Variants in UNC13A observed in about 807,000 individuals in gnomAD.
UNC13A encodes the protein unc-13 homolog A, also known as protein unc-13 homolog A.
Under a neutral mutation model 219.7 loss-of-function variants are expected in UNC13A, and 61 were observed. The ratio of observed to expected loss-of-function variants is 0.28; its 90% CI spans 0.23 to 0.34. UNC13A has a LOEUF of 0.34. Ranked by LOEUF, UNC13A falls within the 10% of genes least tolerant of loss-of-function variation. The pLI is 1.00. For missense variants in UNC13A, 1,476 were observed against 2,270.3 expected, an observed-to-expected ratio of 0.65 and a Z score of 7.11; for synonymous variants, 920 against 884.6, an observed-to-expected ratio of 1.04 and a Z score of -0.71.
intron 4 of UNC13A, among the ~76,000 whole-genome samples, chr19:17,671,684 G>A (rs545422332): frequency 2.8e-4 from 43 of 152,222 alleles, no homozygotes; most frequent in African/African-American, 1.0e-3. Flanking sequence ...TGAGGTGGGA[G>A]GATCACTTGA....
At chr19:17,682,129 A>G (rs983876558) in intron 1 of UNC13A, among the ~76,000 whole-genome samples, 1 of 151,520 alleles carries the variant, frequency 6.6e-6, no homozygotes, top group Non-Finnish European at 1.5e-5. Context: ...ATTTTTTTGT[A>G]TTTTAGTAAA....
chr19:17,635,370 C>T (rs1371430805), intron 26 of UNC13A, among the ~76,000 whole-genome samples: 1 of 152,186 alleles, frequency 6.6e-6, no homozygotes, highest in East Asian at 1.9e-4. Flanking sequence ...ATCTTAATTC[C>T]CTAACCAGGA....
At chr19:17,625,631 A>G (rs2144981354) in intron 34 of UNC13A, among the ~76,000 whole-genome samples, 1 of 152,182 alleles carries the variant, frequency 6.6e-6, no homozygotes, top group South Asian at 2.1e-4. Flanking sequence ...CCATTCATCC[A>G]TCTGTCCATC....
At chr19:17,608,273 T>C (rs1225768382) in intron 43 of UNC13A, among the ~76,000 whole-genome samples, 1 of 140,514 alleles carries the variant, frequency 7.1e-6, no homozygotes, top group African/African-American at 2.6e-5. Context: ...ATAATATATA[T>C]ACTTTTATAT....
At chr19:17,686,583 T>A (rs1449881824) in intron 1 of UNC13A, among the ~76,000 whole-genome samples, 1 of 151,752 alleles carries the variant, frequency 6.6e-6, no homozygotes, top group Admixed American at 6.6e-5. Context: ...ACTTCCCTAC[T>A]CCCCTAACTC....
At chr19:17,628,343 A>G (rs1304172174) in intron 31 of UNC13A, 2 of 207,428 alleles carry the variant, frequency 9.6e-6, no homozygotes, top group South Asian at 8.2e-5. Flanking sequence ...TACACACGAG[A>G]CCCCCCCCAC....
chr19:17,651,958 A>G (rs1310465119), intron 12 of UNC13A, among the ~76,000 whole-genome samples: 1 of 152,204 alleles, frequency 6.6e-6, no homozygotes, highest in Non-Finnish European at 1.5e-5. Flanking sequence ...TCCACTGAAG[A>G]CTAAACAACT....
Position 17,649,043 on chromosome 19 carries a change from A to G in UNC13A, c.1525-60T>C. On this transcript the variant is annotated intron_variant, in intron 14 of 43. Coordinates refer to ENST00000519716, the MANE Select transcript of UNC13A (RefSeq NM_001080421.3). This position sits in a 1 kb window ranked among gnomAD's most constrained non-coding sequence, Gnocchi z 4.4. ...TGACATCCATGAGATCACCACCAGG[A>G]GAGTTCACAGCCACGGATGGGGCCA... The G allele has an allele frequency of 6.6e-7, 1 of 1,511,568 alleles. No homozygotes were observed. Among genetic ancestry groups the G allele is most frequent in the Non-Finnish European group, 8.9e-7 (1 of 1,120,092 alleles). 93.6% of individuals were successfully genotyped at this position (1,511,568 alleles called of 1,614,324 possible). A position where few individuals can be genotyped will look rare whatever the true frequency, so the allele number is the denominator to read the frequency against.
intron 41 of UNC13A, among the ~76,000 whole-genome samples, chr19:17,615,183 G>A (rs1352887774): frequency 6.6e-6 from 1 of 152,218 alleles, no homozygotes; most frequent in Non-Finnish European, 1.5e-5. Context: ...AAAGAAATCT[G>A]TTTCAGTTTC....
Position 17,605,775 on chromosome 19 carries a change from C to G in UNC13A, c.*279G>C, listed in dbSNP as rs2076517540. 2 of 391,942 alleles carry G rather than the reference C, an allele frequency of 5.1e-6. No homozygotes were observed. The highest frequency in any genetic ancestry group is 9.0e-6 in the Non-Finnish European group (2 of 221,906). 24.3% of individuals were successfully genotyped at this position (391,942 alleles called of 1,614,324 possible). A position where few individuals can be genotyped will look rare whatever the true frequency, so the allele number is the denominator to read the frequency against. On this transcript the variant is annotated 3_prime_UTR_variant, in exon 44 of 44. Coordinates refer to ENST00000519716, the MANE Select transcript of UNC13A (RefSeq NM_001080421.3). ...AGGGACGAGGTTTCCCCCATCCCAGCTCAAAATGCCCCCTAGGTGCTGGGG... is the reference window on the plus strand; with the variant it reads ...AGGGACGAGGTTTCCCCCATCCCAGGTCAAAATGCCCCCTAGGTGCTGGGG...
intron 4 of UNC13A, among the ~76,000 whole-genome samples, chr19:17,671,648 C>T (rs1253401317): frequency 6.6e-6 from 1 of 152,056 alleles, no homozygotes; most frequent in African/African-American, 2.4e-5. Context: ...GTGGCATGCA[C>T]CTGCAGTCCC....
Position 17,649,297 on chromosome 19 carries a change from T to G in UNC13A, c.1524+42A>C. The stretch of plus-strand genomic sequence containing the variant: ...TGTTAGAAGATCCCAGTGGGGGAGT[T>G]TGGGGAGAAGATCCCAAGAGGCCCA... On this transcript the variant is annotated intron_variant, in intron 14 of 43. Coordinates refer to ENST00000519716, the MANE Select transcript of UNC13A (RefSeq NM_001080421.3). This position sits in a 1 kb window ranked among gnomAD's most constrained non-coding sequence, Gnocchi z 4.4. 1 of 1,557,470 alleles carries G rather than the reference T, an allele frequency of 6.4e-7. No homozygotes were observed. The highest frequency in any genetic ancestry group is 1.4e-5 in the African/African-American group (1 of 73,874).
intron 1 of UNC13A, among the ~76,000 whole-genome samples, chr19:17,687,303 C>T (rs73011755): frequency 0.1 from 15,545 of 151,642 alleles, 996 homozygotes; most frequent in South Asian, 0.24. Context: ...AAAATAGCTC[C>T]CCCCCCACCT....
chr19:17,632,728 T>TA, intron 28 of UNC13A, 54 bp downstream of exon 28: 1 of 1,611,882 alleles, frequency 6.2e-7, no homozygotes, highest in Non-Finnish European at 8.5e-7. Context: ...GCTTTCCTTC[T>TA]AGCTGTCAGT....
intron 11 of UNC13A, among the ~76,000 whole-genome samples, chr19:17,653,737 C>T (rs970801685): frequency 1.3e-5 from 2 of 152,042 alleles, no homozygotes; most frequent in Non-Finnish European, 2.9e-5. Context: ...AAGTGAGCCT[C>T]CCGCCTCGAC....
chr19:17,687,784 C>G (rs1387700005), intron 1 of UNC13A, among the ~76,000 whole-genome samples: 1 of 152,120 alleles, frequency 6.6e-6, no homozygotes, highest in Non-Finnish European at 1.5e-5. Flanking sequence ...AACACCAGAC[C>G]CCTTCCAAGC....
Position 17,649,642 on chromosome 19 carries a change from G to T in UNC13A, c.1440-55C>A. 3 of 1,597,438 alleles carry T rather than the reference G, an allele frequency of 1.9e-6. No homozygotes were observed. Among genetic ancestry groups the T allele is most frequent in the Non-Finnish European group, 8.6e-7 (1 of 1,165,402 alleles). ...CAGATGTCCCTATTCCTCACATAGA[G>T]CCCTGGGGAGAACATTCAACCTCCC... On this transcript the variant is annotated intron_variant, in intron 12 of 43. Transcript: ENST00000519716. This position sits in a 1 kb window ranked among gnomAD's most constrained non-coding sequence, Gnocchi z 4.4.
intron 8 of UNC13A, among the ~76,000 whole-genome samples, chr19:17,659,849 C>G (rs906640433): frequency 6.6e-6 from 1 of 152,088 alleles, no homozygotes; most frequent in Admixed American, 6.6e-5. Flanking sequence ...AATGAAAAAA[C>G]CCCCAGACCC....
intron 16 of UNC13A, 149 bp from the exon 17 acceptor site, chr19:17,647,641 C>T: frequency 1.4e-6 from 1 of 712,210 alleles, no homozygotes; most frequent in Non-Finnish European, 2.3e-6. Flanking sequence ...GTACCCCCCA[C>T]CCAGACCCTT....
Sources: allele counts gnomAD v4.1 joint callset (sites outside exome capture counted in the v4.1 genomes callset), GRCh38; gene constraint gnomAD v4.1.1; non-coding constraint Gnocchi (gnomAD v3.1); transcripts MANE v1.5; gene names NCBI Gene and HGNC (gene_info 2026-07-23, HGNC 2026-07-21).